CDCP1: variants seen among roughly 807,000 people sequenced by gnomAD.
The protein encoded by CDCP1 is CUB domain containing protein 1, also known as CUB domain-containing protein 1.
In CDCP1, 29 loss-of-function variants were observed where a neutral mutation model predicts 60.2. That is an observed-to-expected ratio of 0.48 (90% CI 0.36 to 0.66). The LOEUF (loss-of-function observed/expected upper bound fraction) is 0.66, where lower values mean the gene tolerates loss of function less well. Among genes scored for constraint, CDCP1 ranks in the 30% least tolerant of loss-of-function variants. CDCP1 has a pLI of 0.00. For synonymous variants in CDCP1, 387 were observed against 431.1 expected (o/e 0.90, Z 1.27); for missense variants, 876 against 1,074.3 (o/e 0.82, Z 2.58).
At chr3:45,135,918 T>C (rs1257272023) in intron 1 of CDCP1, among the ~76,000 whole-genome samples, 8 of 152,200 alleles carry the variant, frequency 5.3e-5, no homozygotes, top group Non-Finnish European at 1.0e-4. Context: ...CTCTATCAAA[T>C]ACTTTGTAAT....
At position 45,085,811 on chromosome 3, in the gene CDCP1, A is replaced by C. The variant is rs1698180274; in HGVS notation, c.2338T>G (p.Cys780Gly). ...AACTTTGCAGTTGGGGCCCTGGAGC[A>C]TATGGTGGGTGGGGAGGGAGGACAG... Reference protein sequence around the residue: ...GVCPPSPPTICSRAPTAKLAT... With the variant: ...GVCPPSPPTIGSRAPTAKLAT... Residue 780 changes from cysteine (C) to glycine (G), a missense_variant, in exon 9 of 9, where the codon TGC (cysteine) becomes GGC (glycine). By Grantham distance (159) the Cys-to-Gly change is radical. Coordinates refer to ENST00000296129, the MANE Select transcript of CDCP1 (RefSeq NM_022842.5). This position sits in a 1 kb window ranked among gnomAD's most constrained non-coding sequence, Gnocchi z 4.2. The C allele has an allele frequency of 3.1e-6, 5 of 1,614,130 alleles. No individual in the cohort carries two copies. Among genetic ancestry groups the C allele is most frequent in the African/African-American group, 1.3e-5 (1 of 75,030 alleles).
chr3:45,113,742 C>G lies in CDCP1; in HGVS notation c.293-1297G>C, dbSNP rs189517646. Reference sequence around the variant, plus strand: ...TCAGGCTGTGTTTGGTCAGCCCTTTCTTGCCAATGCGCTATGCTGTCTAAC... The same window carrying G: ...TCAGGCTGTGTTTGGTCAGCCCTTTGTTGCCAATGCGCTATGCTGTCTAAC... On this transcript the variant is annotated intron_variant, in intron 2 of 8. Coordinates refer to ENST00000296129, the MANE Select transcript of CDCP1 (RefSeq NM_022842.5). Among the ~76,000 whole-genome samples the G allele has an allele frequency of 1.9e-3, 289 of 152,320 alleles. 2 individuals carry two copies. The highest frequency in any genetic ancestry group is 5.7e-3 in the Admixed American group (87 of 15,296).
At chr3:45,103,932 A>G (rs1559390828) in intron 4 of CDCP1, among the ~76,000 whole-genome samples, 1 of 152,224 alleles carries the variant, frequency 6.6e-6, no homozygotes, top group African/African-American at 2.4e-5. Context: ...TAAATGGACT[A>G]TGAGAGTAGG....
Position 45,085,768 on chromosome 3 carries a change from G to A in CDCP1, c.2381C>T (p.Pro794Leu). 7 of 1,614,172 alleles carry A rather than the reference G, an allele frequency of 4.3e-6. No homozygotes were observed. Among genetic ancestry groups the A allele is most frequent in the Admixed American group, 1.7e-5 (1 of 60,030 alleles). ...CTCAGACTCAGGAGGGGAGCGAGGA[G>A]GTGGCTCCTCAGTGGCCAACTTTGC... ...PTAKLATEEP[P>L]PRSPPESESE... Residue 794 changes from proline (P) to leucine (L), a missense_variant, in exon 9 of 9, where the codon CCT (proline) becomes CTT (leucine). This residue lies in a region of CDCP1 where 726 missense variants were observed against 935.7 expected (regional missense o/e 0.78). Transcript: ENST00000296129. The surrounding 1 kb of genome is among the most constrained non-coding windows in gnomAD (Gnocchi z 4.2).
intron 2 of CDCP1, among the ~76,000 whole-genome samples, chr3:45,117,790 T>G (rs937391281): frequency 4.6e-5 from 7 of 151,972 alleles, no homozygotes; most frequent in Non-Finnish European, 1.0e-4. Flanking sequence ...AGAGACAGGG[T>G]TTCACCATGT....
rs548029254 is a variant in CDCP1 at position 45,091,078 on chromosome 3, A to G, written c.1993+95T>C. The G allele has an allele frequency of 1.2e-5, 17 of 1,379,172 alleles. No individual in the cohort carries two copies. Among genetic ancestry groups the G allele is most frequent in the East Asian group, 2.3e-5 (1 of 43,452 alleles). 85.4% of individuals were successfully genotyped at this position (1,379,172 alleles called of 1,614,324 possible). On this transcript the variant is annotated intron_variant, in intron 7 of 8. Coordinates refer to ENST00000296129, the MANE Select transcript of CDCP1 (RefSeq NM_022842.5). This position sits in a 1 kb window ranked among gnomAD's most constrained non-coding sequence, Gnocchi z 4.8. ...CTGATACATGGACAGTCAGGACTCA[A>G]TCTGTGATTCTGACTTGTCTCCAGG...
At chr3:45,102,712 A>C (rs1698500616) in intron 4 of CDCP1, among the ~76,000 whole-genome samples, 1 of 151,624 alleles carries the variant, frequency 6.6e-6, no homozygotes, top group African/African-American at 2.4e-5. Context: ...CAACTCTGTC[A>C]CCCAGGCTGG....
intron 1 of CDCP1, 55 bp downstream of exon 1, chr3:45,146,151 G>C: frequency 1.3e-6 from 2 of 1,483,594 alleles, no homozygotes; most frequent in African/African-American, 1.4e-5. Context: ...CCGGGCGTCC[G>C]CTGGCTGGCT....
At position 45,082,481 on chromosome 3, in the gene CDCP1, G is replaced by T. The variant is rs1275346697; in HGVS notation, c.*3157C>A. On this transcript the variant is annotated 3_prime_UTR_variant, in exon 9 of 9. Transcript: ENST00000296129. ...AACCGGGGCCTCTACTGAACCAGGG[G>T]ACAAGTAGCCGAAGCACTTAAACAG... is the stretch of plus-strand genomic sequence containing the variant. 1 of 152,194 alleles carries T rather than the reference G, an allele frequency of 6.6e-6. No individual in the cohort carries two copies. The highest frequency in any genetic ancestry group is 2.4e-5 in the African/African-American group (1 of 41,442). 9.4% of individuals were successfully genotyped at this position (152,194 alleles called of 1,614,324 possible). A position where few individuals can be genotyped will look rare whatever the true frequency, so the allele number is the denominator to read the frequency against.
rs765306131 is a variant in CDCP1, at chr3:45,095,341, G to C, written c.1246+6C>G. 1 of 1,612,628 alleles carries C rather than the reference G, an allele frequency of 6.2e-7. No homozygotes were observed. Among genetic ancestry groups the C allele is most frequent in the South Asian group, 1.1e-5 (1 of 91,028 alleles). ...CAGGGACAAATGCACTGATTCAGGG[G>C]CGTACTTATGGTTTTTTCCACATTC... On this transcript the variant is annotated splice_donor_region_variant and intron_variant, in intron 5 of 8. Transcript: ENST00000296129.
At chr3:45,089,360 G>A (rs187042336) in intron 7 of CDCP1, among the ~76,000 whole-genome samples, 171 of 152,314 alleles carry the variant, frequency 1.1e-3, no homozygotes, top group Middle Eastern at 3.4e-3. Flanking sequence ...CCAGTTCTGG[G>A]CCTAACTTTT....
chr3:45,085,854 G>C lies in CDCP1; in HGVS notation c.2295C>G (p.Phe765Leu). 3.7e-6 allele frequency: 6 copies of C among 1,614,152 alleles called. No homozygotes were observed. Among genetic ancestry groups the C allele is most frequent in the Non-Finnish European group, 5.1e-6 (6 of 1,180,028 alleles). ...LQPEVDTYRP[F>L]QGTMGVCPPS... ...GAGGACAGACCCCCATGGTGCCCTG[G>C]AACGGCCGGTAGGTGTCCACCTCTG... The change falls in exon 9 of 9, where the codon TTC becomes TTG. Residue 765 changes from phenylalanine to leucine, a missense_variant. Phe to Leu is a conservative substitution (Grantham distance 22). Around this residue, in one of 2 missense-constraint regions of CDCP1, gnomAD observed 726 missense variants for 935.7 expected, o/e 0.78. Transcript: ENST00000296129. This position sits in a 1 kb window ranked among gnomAD's most constrained non-coding sequence, Gnocchi z 4.2.
At chr3:45,123,301 A>G (rs1045879032) in intron 1 of CDCP1, among the ~76,000 whole-genome samples, 11 of 152,190 alleles carry the variant, frequency 7.2e-5, no homozygotes, top group Non-Finnish European at 1.5e-5. Context: ...TCTACTGTCC[A>G]GCTGTAGTTT....
intron 1 of CDCP1, among the ~76,000 whole-genome samples, chr3:45,134,286 A>G (rs867405267): frequency 6.6e-6 from 1 of 151,876 alleles, no homozygotes; most frequent in Non-Finnish European, 1.5e-5. Context: ...CACCACACCC[A>G]GCTAATTTTT....
intron 3 of CDCP1, 149 bp from the exon 4 acceptor site, chr3:45,110,990 A>T: frequency 1.1e-6 from 1 of 903,582 alleles, no homozygotes; most frequent in Non-Finnish European, 1.7e-6. Flanking sequence ...TTTGGACTCA[A>T]GGCAGAGATT....
intron 1 of CDCP1, among the ~76,000 whole-genome samples, chr3:45,123,814 GA>G (rs1375379474): frequency 6.6e-5 from 10 of 152,154 alleles, no homozygotes; most frequent in Admixed American, 1.3e-4. Context: ...TAATATTTCA[GA>G]AAATCATTAC....
rs548295631 is a variant in CDCP1, at chr3:45,091,598, G to C, written c.1628-60C>G. The C allele has an allele frequency of 1.1e-4, 169 of 1,511,658 alleles. No homozygotes were observed. Among genetic ancestry groups the C allele is most frequent in the African/African-American group, 4.3e-4 (31 of 72,760 alleles). The allele number at this position is 1,511,658 out of a possible 1,614,324, so 93.6% of individuals were successfully genotyped here. ...TCATTCAGTCAACATGGAGAGGAAA[G>C]GGAGTGGTGGAGGAGACGAAGTCCA... On this transcript the variant is annotated intron_variant, in intron 6 of 8. Coordinates refer to ENST00000296129, the MANE Select transcript of CDCP1 (RefSeq NM_022842.5). The surrounding 1 kb of genome is among the most constrained non-coding windows in gnomAD (Gnocchi z 4.8).
intron 1 of CDCP1, among the ~76,000 whole-genome samples, chr3:45,122,197 G>A (rs1227885574): frequency 6.7e-6 from 1 of 148,922 alleles, no homozygotes; most frequent in Non-Finnish European, 1.5e-5. Flanking sequence ...AGGCTGGAGT[G>A]CGGTGGCGCA....
intron 4 of CDCP1, chr3:45,110,137 T>A (rs1407542633): frequency 1.7e-5 from 17 of 1,030,146 alleles, no homozygotes; most frequent in Middle Eastern, 4.1e-4. Flanking sequence ...CCCATCATCA[T>A]CGCTGATGGT....
Sources: allele counts gnomAD v4.1 joint callset (sites outside exome capture counted in the v4.1 genomes callset), GRCh38; gene constraint gnomAD v4.1.1; regional missense constraint gnomAD v4.1.1; non-coding constraint Gnocchi (gnomAD v3.1); transcripts MANE v1.5; gene names NCBI Gene and HGNC (gene_info 2026-07-23, HGNC 2026-07-21).